The following PPM1J variants were observed in gnomAD, a reference collection of about 807,000 sequenced individuals.
PPM1J encodes the protein protein phosphatase 1J.
PPM1J carries 43 observed loss-of-function variants against 53.3 expected under a neutral mutation model. The ratio of observed to expected loss-of-function variants is 0.81; its 90% confidence interval spans 0.63 to 1.04. The LOEUF (loss-of-function observed/expected upper bound fraction) is 1.04, where lower values mean the gene tolerates loss of function less well. Ranked by LOEUF, PPM1J falls within the 50% of genes least tolerant of loss-of-function variation. PPM1J has a pLI of 0.00. For missense variants in PPM1J, 635 were observed against 685.9 expected (o/e 0.93, Z 0.83); for synonymous variants, 267 against 286.4 (o/e 0.93, Z 0.68).
chr1:112,714,721 C>G, intron 1 of PPM1J: 1 of 1,246,882 alleles, frequency 8.0e-7, no homozygotes, highest in South Asian at 3.3e-5. Flanking sequence ...TGGGGCAGAA[C>G]AGGGTCCTGA....
rs535900188 is a variant in PPM1J at position 112,712,848 on chromosome 1, C to A, written c.625G>T (p.Asp209Tyr). 2 of 1,613,736 alleles carry A rather than the reference C, an allele frequency of 1.2e-6. No homozygotes were observed. Among genetic ancestry groups the A allele is most frequent in the South Asian group, 2.2e-5 (2 of 91,066 alleles). ...PTTPGTPDSS[D>Y]PSHLLGPQSC... The stretch of plus-strand genomic sequence containing the variant: ...TGAGGGCCAAGCAAGTGAGAGGGAT[C>A]GGAGGAATCTGGGGTCCCCGGAGTG... Residue 209 changes from aspartate to tyrosine, a missense_variant, in exon 3 of 10, where the codon GAT (aspartate) becomes TAT (tyrosine). Coordinates refer to ENST00000309276, the MANE Select transcript of PPM1J (RefSeq NM_005167.7).
chr1:112,712,074 G>A lies in PPM1J; in HGVS notation c.843-19C>T, dbSNP rs1486113091. ...GATGGCCCTGCCCAAAGAAAGAAAA[G>A]GAATTGGGACCTGGTTCTCTTCAGA... On this transcript the variant is annotated intron_variant, in intron 4 of 9. Transcript: ENST00000309276. 3.1e-5 allele frequency: 49 copies of A among 1,590,812 alleles called. No homozygotes were observed. The highest frequency in any genetic ancestry group is 4.0e-5 in the Non-Finnish European group (47 of 1,164,002).
chr1:112,712,639 G>C, intron 3 of PPM1J, 105 bp downstream of exon 3: 1 of 1,268,386 alleles, frequency 7.9e-7, no homozygotes, highest in South Asian at 1.4e-5. Flanking sequence ...CTCTGCTCAG[G>C]CTCTCAAAGG....
chr1:112,711,857 A>T, intron 5 of PPM1J, 114 bp downstream of exon 5: 1 of 726,046 alleles, frequency 1.4e-6, no homozygotes, highest in Non-Finnish European at 2.3e-6. Context: ...CGGCCTTCCC[A>T]GTAAAGTGCT....
In PPM1J at chr1:112,712,935, G is replaced by T; in HGVS notation, c.538C>A (p.Gln180Lys). Reference sequence around the variant, plus strand: ...AGTATCTCTACCAGGTCCTTTAGCTGCTCTCGGATATGGCGATGCAGGAGC... The same window carrying T: ...AGTATCTCTACCAGGTCCTTTAGCTTCTCTCGGATATGGCGATGCAGGAGC... ...SRLLHRHIRE[Q>K]LKDLVEILQD... The change falls in exon 3 of 10, where the codon CAG becomes AAG. Residue 180 changes from glutamine to lysine, a missense_variant. Gln to Lys is a moderately conservative substitution (Grantham distance 53). Coordinates refer to ENST00000309276, the MANE Select transcript of PPM1J (RefSeq NM_005167.7). 11 of 1,614,006 alleles carry T rather than the reference G, an allele frequency of 6.8e-6. No individual in the cohort carries two copies. The highest frequency in any genetic ancestry group is 9.3e-6 in the Non-Finnish European group (11 of 1,180,014).
Position 112,710,615 on chromosome 1 carries a change from G to C in PPM1J, c.1219-4C>G. 6.2e-7 allele frequency: 1 copy of C among 1,614,160 alleles called. No homozygotes were observed. The highest frequency in any genetic ancestry group is 2.2e-5 in the East Asian group (1 of 44,882). ...GTGTCAGGTCATACACTCGTACCTG[G>C]TGGGAGAAAAGGGCAGAGAGGATTG... On this transcript the variant is annotated splice_region_variant and splice_polypyrimidine_tract_variant and intron_variant, in intron 8 of 9. Coordinates refer to ENST00000309276, the MANE Select transcript of PPM1J (RefSeq NM_005167.7).
intron 6 of PPM1J, 71 bp downstream of exon 6, chr1:112,711,195 C>T: frequency 1.4e-6 from 2 of 1,470,966 alleles, no homozygotes. Flanking sequence ...CCTCCAGCTT[C>T]CACCTTGCTG....
chr1:112,711,816 G>A (rs1020423414), intron 5 of PPM1J, among the ~76,000 whole-genome samples, 155 bp downstream of exon 5: 11 of 152,142 alleles, frequency 7.2e-5, no homozygotes, highest in African/African-American at 2.7e-4. Flanking sequence ...ACCTCCCACC[G>A]GCTCAGCCCC....
chr1:112,710,316 A>G lies in PPM1J; in HGVS notation c.1371-6T>C, dbSNP rs929614467. On this transcript the variant is annotated splice_region_variant and splice_polypyrimidine_tract_variant and intron_variant, in intron 9 of 9. Coordinates refer to ENST00000309276, the MANE Select transcript of PPM1J (RefSeq NM_005167.7). Reference sequence around the variant, plus strand: ...CTTGGGCCAGAGCTGTATACCTGCCAGGAGCACACATGCACATTCATGTAC... The same window carrying G: ...CTTGGGCCAGAGCTGTATACCTGCCGGGAGCACACATGCACATTCATGTAC... 1 of 1,612,978 alleles carries G rather than the reference A, an allele frequency of 6.2e-7. No individual in the cohort carries two copies. Among genetic ancestry groups the G allele is most frequent in the African/African-American group, 1.3e-5 (1 of 74,978 alleles).
Position 112,714,351 on chromosome 1 carries a change from T to G in PPM1J, c.326+625A>C, listed in dbSNP as rs12085321. ...CACAGCCCGGGGGCCAGCCGGCCGC[T>G]CCGGGCAGGGGGTCCGCTTCTTTGC... On this transcript the variant is annotated intron_variant, in intron 1 of 9. Coordinates refer to ENST00000309276, the MANE Select transcript of PPM1J (RefSeq NM_005167.7). The G allele has an allele frequency of 3.2e-4, 320 of 985,472 alleles. No homozygotes were observed. The African/African-American group carries it at 4.5e-3, about 14-fold the overall frequency. The allele number at this position is 985,472 out of a possible 1,614,324, so 61.0% of individuals were successfully genotyped here. A position where few individuals can be genotyped will look rare whatever the true frequency, so the allele number is the denominator to read the frequency against.
At chr1:112,712,691 G>T in intron 3 of PPM1J, 53 bp downstream of exon 3, 1 of 1,545,502 alleles carries the variant, frequency 6.5e-7, no homozygotes, top group Non-Finnish European at 8.8e-7. Context: ...CTTCCACACA[G>T]AGTTGGCCAG....
At chr1:112,711,457 C>T (rs1423393707) in intron 5 of PPM1J, 73 bp from the exon 6 acceptor site, 6 of 844,920 alleles carry the variant, frequency 7.1e-6, no homozygotes, top group Admixed American at 4.4e-5. Flanking sequence ...ACACAGATGA[C>T]GTTGACTACA....
At chr1:112,711,724 C>G (rs1675066478) in intron 5 of PPM1J, among the ~76,000 whole-genome samples, 1 of 152,162 alleles carries the variant, frequency 6.6e-6, no homozygotes, top group Non-Finnish European at 1.5e-5. Flanking sequence ...TTCCTTCCCC[C>G]ACCTCAGTCT....
Position 112,712,791 on chromosome 1 carries a change from G to A in PPM1J, c.682C>T (p.His228Tyr), listed in dbSNP as rs1675096545. ...SCWSSQKEVS[H>Y]ESLVVGAVEN... ...ACGGCCCCCACTACCAGGCTCTCGTGGCTCACTTCCTTCTGTGAAGACCAG... is the reference window on the plus strand; with the variant it reads ...ACGGCCCCCACTACCAGGCTCTCGTAGCTCACTTCCTTCTGTGAAGACCAG... Residue 228 changes from histidine to tyrosine, a missense_variant, in exon 3 of 10, where the codon CAC (histidine) becomes TAC (tyrosine). His to Tyr is a moderately conservative substitution (Grantham distance 83). Transcript: ENST00000309276. 1.9e-6 allele frequency: 3 copies of A among 1,612,790 alleles called. No individual in the cohort carries two copies. The South Asian group carries it at 3.3e-5, about 18-fold the overall frequency.
At position 112,710,832 on chromosome 1, in the gene PPM1J, A is replaced by G. The variant is rs759717929; in HGVS notation, c.1130T>C (p.Ile377Thr). 6.2e-6 allele frequency: 10 copies of G among 1,613,762 alleles called. No homozygotes were observed. Among genetic ancestry groups the G allele is most frequent in the African/African-American group, 4.0e-5 (3 of 74,892 alleles). ...GTCTCCCAAGCCTCGGGTCACCCCA[A>G]TGGTGGCCATCACCCGAGCCTGAAA... is the stretch of plus-strand genomic sequence containing the variant. The part of the protein sequence containing the change: ...EGKKARVMAT[I>T]GVTRGLGDHS... The change falls in exon 8 of 10, where the codon ATT becomes ACT. Residue 377 changes from isoleucine to threonine, a missense_variant. By Grantham distance (89) the Ile-to-Thr change is moderately conservative (BLOSUM62 -1). Coordinates refer to ENST00000309276, the MANE Select transcript of PPM1J (RefSeq NM_005167.7).
In PPM1J at chr1:112,713,956, A is replaced by G. The variant is rs74690618; in HGVS notation, c.327-345T>C. On this transcript the variant is annotated intron_variant, in intron 1 of 9. Coordinates refer to ENST00000309276, the MANE Select transcript of PPM1J (RefSeq NM_005167.7). ...GGGGGAGGGGCTAGTTGGTAGCAGAAGTTTTACTTCCCTGCTAGCTAGACC... is the reference window on the plus strand; with the variant it reads ...GGGGGAGGGGCTAGTTGGTAGCAGAGGTTTTACTTCCCTGCTAGCTAGACC... 8.2e-3 allele frequency: 7,629 copies of G among 931,268 alleles called. 441 individuals are homozygous for G. The African/African-American group carries it at 0.12, about 14-fold the overall frequency. 57.7% of individuals were successfully genotyped at this position (931,268 alleles called of 1,614,324 possible). A position where few individuals can be genotyped will look rare whatever the true frequency, so the allele number is the denominator to read the frequency against.
intron 4 of PPM1J, 97 bp from the exon 5 acceptor site, chr1:112,712,152 A>C: frequency 9.0e-7 from 1 of 1,116,234 alleles, no homozygotes; most frequent in Non-Finnish European, 1.3e-6. Context: ...ATGACCTTTC[A>C]GATCTCTTAC....
chr1:112,712,246 CA>C, intron 4 of PPM1J, 98 bp downstream of exon 4: 1 of 1,089,000 alleles, frequency 9.2e-7, no homozygotes, highest in Non-Finnish European at 1.4e-6. Flanking sequence ...TGACTCCCTC[CA>C]ATCTTGATTT....
In PPM1J at chr1:112,714,969, C is replaced by T. The variant is rs918432887; in HGVS notation, c.326+7G>A. The T allele has an allele frequency of 2.2e-6, 3 of 1,388,912 alleles. No individual in the cohort carries two copies. The highest frequency in any genetic ancestry group is 3.0e-5 in the East Asian group (1 of 33,258). The allele number at this position is 1,388,912 out of a possible 1,614,324, so 86.0% of individuals were successfully genotyped here. Reference sequence around the variant, plus strand: ...ATCCTGGTTTGGGTGCCCCAGGGGGCGCTCACTCGGCGTAGCCTGTGCTCC... The same window carrying T: ...ATCCTGGTTTGGGTGCCCCAGGGGGTGCTCACTCGGCGTAGCCTGTGCTCC... On this transcript the variant is annotated splice_region_variant and intron_variant, in intron 1 of 9. Coordinates refer to ENST00000309276, the MANE Select transcript of PPM1J (RefSeq NM_005167.7).
Sources: allele counts gnomAD v4.1 joint callset (sites outside exome capture counted in the v4.1 genomes callset), GRCh38; gene constraint gnomAD v4.1.1; transcripts MANE v1.5; gene names NCBI Gene and HGNC (gene_info 2026-07-23, HGNC 2026-07-21).